CYB5D1: variants seen among roughly 807,000 people sequenced by gnomAD.
CYB5D1 encodes the protein cytochrome b5 domain-containing protein 1.
In CYB5D1, 30 loss-of-function variants were observed where a neutral mutation model predicts 24.3. The ratio of observed to expected loss-of-function variants is 1.23; its 90% CI spans 0.92 to 1.67. The LOEUF is 1.67. Among genes scored for constraint, CYB5D1 ranks in the 40% most tolerant of loss-of-function variants. The pLI is 0.00. For synonymous variants in CYB5D1, 128 were observed against 123.2 expected, an observed-to-expected ratio of 1.04 and a Z score of -0.26; for missense variants, 265 against 296.7, an observed-to-expected ratio of 0.89 and a Z score of 0.79.
rs551997363 is a variant in CYB5D1 at position 7,858,141 on chromosome 17, C to A, written c.7C>A (p.Arg3Ser). 1 of 1,613,480 alleles carries A rather than the reference C, an allele frequency of 6.2e-7. No individual in the cohort carries two copies. The highest frequency in any genetic ancestry group is 1.1e-5 in the South Asian group (1 of 91,074). The change falls in exon 1 of 4, where the codon CGC (arginine) becomes AGC (serine). Residue 3 changes from arginine to serine, a missense_variant. Arg to Ser is a moderately radical substitution (Grantham distance 110). Coordinates refer to ENST00000332439, the MANE Select transcript of CYB5D1 (RefSeq NM_144607.6). ...GACCGACAGAGCAAGAGCCATGCCGCGCCGGGGCCTGGTGGCTGGGCCAGA... is the reference window on the plus strand; with the variant it reads ...GACCGACAGAGCAAGAGCCATGCCGAGCCGGGGCCTGGTGGCTGGGCCAGA... The part of the protein sequence containing the change: MP[R>S]RGLVAGPDLE...
chr17:7,858,873 C>A (rs771597878), intron 3 of CYB5D1, 49 bp downstream of exon 3: 8 of 1,461,372 alleles, frequency 5.5e-6, no homozygotes, highest in Middle Eastern at 3.6e-4. Context: ...GGAATCCCAG[C>A]AAATCTCCAG....
intron 3 of CYB5D1, 70 bp downstream of exon 3, chr17:7,858,894 A>T: frequency 7.3e-7 from 1 of 1,377,148 alleles, no homozygotes. Flanking sequence ...GCCGATCTTC[A>T]GGGCAACATT....
chr17:7,859,417 C>T lies in CYB5D1; in HGVS notation c.492C>T (p.His164=), dbSNP rs765211250. 1 of 1,614,068 alleles carries T rather than the reference C, an allele frequency of 6.2e-7. No individual in the cohort carries two copies. The change falls in exon 4 of 4, where the codon CAC becomes CAT. Residue 164 remains histidine (H), a synonymous_variant. Transcript: ENST00000332439. ...GVLESIWEIL[H]RYLPYNSHAA... is the part of the protein sequence containing the mutation. ...TGGAGTCCATATGGGAAATCCTACA[C>T]CGCTATCTCCCCTATAACTCACATG...
Position 7,858,608 on chromosome 17 carries a change from C to T in CYB5D1, c.240C>T (p.Ile80=), listed in dbSNP as rs3744252. ...TCGCCCCAAACCCTCCTTTAAAGAT[C>T]CGCAAGCACATAGATCCGCTGACCG... ...SHWFDPKTRD[I]RKHIDPLTGC... Residue 80 remains isoleucine, a splice_region_variant and synonymous_variant, in exon 3 of 4, where the codon ATC becomes ATT. Transcript: ENST00000332439. The T allele has an allele frequency of 0.11, 169,373 of 1,604,780 alleles. 10,059 individuals carry two copies. Among genetic ancestry groups the T allele is most frequent in the Admixed American group, 0.16 (9,593 of 59,564 alleles).
At position 7,858,070 on chromosome 17, in the gene CYB5D1, TAGTG is replaced by T; in HGVS notation, c.-61_-58del. 1.3e-6 allele frequency: 2 copies of T among 1,597,524 alleles called. No individual in the cohort carries two copies. The highest frequency in any genetic ancestry group is 1.1e-5 in the South Asian group (1 of 89,898). ...CCGGACGCGACGGAGGTCGTAGTAGTAGTGAGTACGTGCTGAGGAGCAAAGGAGT... is the reference window on the plus strand; with the variant it reads ...CCGGACGCGACGGAGGTCGTAGTAGTAGTACGTGCTGAGGAGCAAAGGAGT... On this transcript the variant is annotated 5_prime_UTR_variant, in exon 1 of 4. Coordinates refer to ENST00000332439, the MANE Select transcript of CYB5D1 (RefSeq NM_144607.6).
intron 2 of CYB5D1, 59 bp from the exon 3 acceptor site, chr17:7,858,547 G>A (rs539716300): frequency 1.1e-5 from 17 of 1,613,296 alleles, no homozygotes; most frequent in Non-Finnish European, 1.4e-5. Context: ...AGGAAAGGCG[G>A]AGGCTAGCCA....
At position 7,860,312 on chromosome 17, in the gene CYB5D1, T is replaced by C. The variant is rs984458506; in HGVS notation, c.*700T>C. 1 of 152,178 alleles carries C rather than the reference T, an allele frequency of 6.6e-6. No individual in the cohort carries two copies. Among genetic ancestry groups the C allele is most frequent in the Admixed American group, 6.5e-5 (1 of 15,272 alleles). The allele number at this position is 152,178 out of a possible 1,614,324, so 9.4% of individuals were successfully genotyped here. Reference sequence around the variant, plus strand: ...GACTTCAGGTGCACGCCACAATGCCTAATTTTTTAATTTTTTGTAGACACA... The same window carrying C: ...GACTTCAGGTGCACGCCACAATGCCCAATTTTTTAATTTTTTGTAGACACA... On this transcript the variant is annotated 3_prime_UTR_variant, in exon 4 of 4. Coordinates refer to ENST00000332439, the MANE Select transcript of CYB5D1 (RefSeq NM_144607.6).
In CYB5D1 at chr17:7,858,111, C is replaced by A. The variant is rs1289381440; in HGVS notation, c.-24C>A. The A allele has an allele frequency of 6.2e-7, 1 of 1,612,392 alleles. No homozygotes were observed. On this transcript the variant is annotated 5_prime_UTR_variant, in exon 1 of 4. Coordinates refer to ENST00000332439, the MANE Select transcript of CYB5D1 (RefSeq NM_144607.6). ...AGGAGCAAAGGAGTAACCAAGAGAT[C>A]CAGTGACCGACAGAGCAAGAGCCAT... is the stretch of plus-strand genomic sequence containing the variant.
intron 2 of CYB5D1, 25 bp downstream of exon 2, chr17:7,858,504 T>C: frequency 1.9e-6 from 3 of 1,614,062 alleles, no homozygotes; most frequent in Non-Finnish European, 2.5e-6. Context: ...AACCTGGGAT[T>C]GTGGGTAGAG....
In CYB5D1 at chr17:7,862,190, C is replaced by T. The variant is rs547868224; in HGVS notation, c.*2578C>T. The T allele has an allele frequency of 1.2e-4, 18 of 152,314 alleles. No homozygotes were observed. The highest frequency in any genetic ancestry group is 3.8e-4 in the African/African-American group (16 of 41,560). 9.4% of individuals were successfully genotyped at this position (152,314 alleles called of 1,614,324 possible). On this transcript the variant is annotated 3_prime_UTR_variant, in exon 4 of 4. Transcript: ENST00000332439. ...GCTGCGCTGCTAGATTGTAAGCTCA[C>T]GAGGGCAGAGATCTTGTTCACATCT... is the stretch of plus-strand genomic sequence containing the variant.
rs780854005 is a variant in CYB5D1 at position 7,858,632 on chromosome 17, C to T, written c.264C>T (p.Thr88=). ...RDIRKHIDPL[T]GCLRYCTPRG... The stretch of plus-strand genomic sequence containing the variant: ...TCCGCAAGCACATAGATCCGCTGAC[C>T]GGCTGCCTGAGGTACTGCACCCCGC... The change falls in exon 3 of 4, where the codon ACC becomes ACT. Residue 88 remains threonine, a synonymous_variant. Transcript: ENST00000332439. The T allele has an allele frequency of 1.9e-6, 3 of 1,604,766 alleles. No individual in the cohort carries two copies. Among genetic ancestry groups the T allele is most frequent in the Non-Finnish European group, 2.6e-6 (3 of 1,173,890 alleles).
intron 3 of CYB5D1, 95 bp from the exon 4 acceptor site, chr17:7,859,287 G>A: frequency 1.0e-6 from 1 of 955,980 alleles, no homozygotes; most frequent in South Asian, 1.5e-5. Flanking sequence ...AGTACCTGAA[G>A]CTGCTATCTG....
At position 7,858,697 on chromosome 17, in the gene CYB5D1, C is replaced by T. The variant is rs868214750; in HGVS notation, c.329C>T (p.Ser110Leu). ...CACGTTCCGCCTCAGCTGCCCTGTT[C>T]GGACTGGGCCAACGATTTTGGGAAG... ...FVHVPPQLPCSDWANDFGKPW... is the reference protein window; with the variant it reads ...FVHVPPQLPCLDWANDFGKPW... The change falls in exon 3 of 4, where the codon TCG becomes TTG. Residue 110 changes from serine to leucine, a missense_variant. Ser to Leu is a moderately radical substitution (Grantham distance 145). Coordinates refer to ENST00000332439, the MANE Select transcript of CYB5D1 (RefSeq NM_144607.6). 6.2e-7 allele frequency: 1 copy of T among 1,611,062 alleles called. No individual in the cohort carries two copies. The highest frequency in any genetic ancestry group is 1.3e-5 in the African/African-American group (1 of 74,844).
At position 7,858,832 on chromosome 17, in the gene CYB5D1, C is replaced by T; in HGVS notation, c.456+8C>T. Reference sequence around the variant, plus strand: ...CAGGAGCACACACTGGAGGTGAGAACTGGTGACAAGGAGCAGGTTAGAAGG... The same window carrying T: ...CAGGAGCACACACTGGAGGTGAGAATTGGTGACAAGGAGCAGGTTAGAAGG... On this transcript the variant is annotated splice_region_variant and intron_variant, in intron 3 of 3. Coordinates refer to ENST00000332439, the MANE Select transcript of CYB5D1 (RefSeq NM_144607.6). The T allele has an allele frequency of 2.0e-6, 3 of 1,526,794 alleles. No homozygotes were observed. Among genetic ancestry groups the T allele is most frequent in the Non-Finnish European group, 2.6e-6 (3 of 1,136,682 alleles). 94.6% of individuals were successfully genotyped at this position (1,526,794 alleles called of 1,614,324 possible). A position where few individuals can be genotyped will look rare whatever the true frequency, so the allele number is the denominator to read the frequency against.
chr17:7,858,049 A>ACG lies in CYB5D1; in HGVS notation c.-83_-82dup. 2 of 1,561,832 alleles carry ACG rather than the reference A, an allele frequency of 1.3e-6. No individual in the cohort carries two copies. Among genetic ancestry groups the ACG allele is most frequent in the Non-Finnish European group, 1.7e-6 (2 of 1,155,756 alleles). ...TAAACGCTCTCCCCTCGGCTCCCGG[A>ACG]CGCGACGGAGGTCGTAGTAGTAGTG... On this transcript the variant is annotated 5_prime_UTR_variant, in exon 1 of 4. It removes the in-frame stop codon of an upstream open reading frame in the 5' UTR. Coordinates refer to ENST00000332439, the MANE Select transcript of CYB5D1 (RefSeq NM_144607.6).
intron 3 of CYB5D1, chr17:7,859,096 G>A (rs189419733): frequency 4.6e-5 from 26 of 567,448 alleles, no homozygotes; most frequent in East Asian, 1.2e-4. Flanking sequence ...GCTCTTACAC[G>A]CCGTTTTGGA....
chr17:7,858,777 A>G lies in CYB5D1; in HGVS notation c.409A>G (p.Ser137Gly). Residue 137 changes from serine to glycine, a missense_variant, in exon 3 of 4, where the codon AGC (serine) becomes GGC (glycine). Transcript: ENST00000332439. Reference sequence around the variant, plus strand: ...GGGGCGGCTGTCTGCCAAGACCCGGAGCATCCGCATCATTAACACGCTCAC... The same window carrying G: ...GGGGCGGCTGTCTGCCAAGACCCGGGGCATCCGCATCATTAACACGCTCAC... ...EVGRLSAKTRSIRIINTLTSQ... is the reference protein window; with the variant it reads ...EVGRLSAKTRGIRIINTLTSQ... 6.3e-7 allele frequency: 1 copy of G among 1,583,906 alleles called. No individual in the cohort carries two copies. Among genetic ancestry groups the G allele is most frequent in the Non-Finnish European group, 8.6e-7 (1 of 1,165,066 alleles).
In CYB5D1 at chr17:7,858,503, T is replaced by C; in HGVS notation, c.237+24T>C. Reference sequence around the variant, plus strand: ...ACGTGAGTTATGCTGGAACCTGGGATTGTGGGTAGAGGAAATGGAGAGCGG... The same window carrying C: ...ACGTGAGTTATGCTGGAACCTGGGACTGTGGGTAGAGGAAATGGAGAGCGG... On this transcript the variant is annotated intron_variant, in intron 2 of 3. Transcript: ENST00000332439. The C allele has an allele frequency of 1.9e-6, 3 of 1,614,006 alleles. No homozygotes were observed. In the South Asian group the frequency reaches 3.3e-5, roughly 18 times the overall value.
At position 7,858,089 on chromosome 17, in the gene CYB5D1, A is replaced by T; in HGVS notation, c.-46A>T. Reference sequence around the variant, plus strand: ...TAGTAGTAGTGAGTACGTGCTGAGGAGCAAAGGAGTAACCAAGAGATCCAG... The same window carrying T: ...TAGTAGTAGTGAGTACGTGCTGAGGTGCAAAGGAGTAACCAAGAGATCCAG... On this transcript the variant is annotated 5_prime_UTR_variant, in exon 1 of 4. Coordinates refer to ENST00000332439, the MANE Select transcript of CYB5D1 (RefSeq NM_144607.6). The T allele has an allele frequency of 6.2e-7, 1 of 1,608,686 alleles. No homozygotes were observed. The highest frequency in any genetic ancestry group is 8.5e-7 in the Non-Finnish European group (1 of 1,178,864).
Sources: gnomAD v4.1 joint callset for allele counts on GRCh38, gnomAD v4.1.1 for gene constraint, MANE v1.5 for transcripts, NCBI Gene and HGNC (gene_info 2026-07-23, HGNC 2026-07-21) for gene names.